The following PRKN variants were observed in gnomAD, a reference collection of about 807,000 sequenced individuals.
The protein encoded by PRKN is parkin RBR E3 ubiquitin protein ligase.
PRKN carries 56 observed loss-of-function variants against 59.5 expected under a neutral mutation model. The ratio of observed to expected loss-of-function variants is 0.94; its 90% CI spans 0.76 to 1.18. The LOEUF (loss-of-function observed/expected upper bound fraction) is 1.18. Ranked by LOEUF, PRKN falls within the 50% of genes most tolerant of loss-of-function variation. The probability of loss-of-function intolerance (pLI) is 0.00; values close to 1 mark genes in which losing one functional copy is unlikely to be tolerated. For missense variants in PRKN, 657 were observed against 596.4 expected, an observed-to-expected ratio of 1.10 and a Z score of -1.06; for synonymous variants, 250 against 222.1, an observed-to-expected ratio of 1.13 and a Z score of -1.12.
At chr6:161,814,660 G>A (rs1416425119) in intron 6 of PRKN, among the ~76,000 whole-genome samples, 2 of 152,070 alleles carry the variant, frequency 1.3e-5, no homozygotes, top group Non-Finnish European at 2.9e-5. Flanking sequence ...GTGCCACCAC[G>A]CCCAGCTAAT....
At chr6:161,742,033 G>A (rs555991457) in intron 7 of PRKN, among the ~76,000 whole-genome samples, 3 of 152,102 alleles carry the variant, frequency 2.0e-5, no homozygotes, top group East Asian at 3.9e-4. Flanking sequence ...GCAGTGGCAC[G>A]ATCTTGGCAC....
intron 9 of PRKN, among the ~76,000 whole-genome samples, chr6:161,439,958 GT>G (rs35435523): frequency 0.51 from 73,568 of 144,368 alleles, 19,184 homozygotes; most frequent in Middle Eastern, 0.63. Flanking sequence ...TTTGTTTTTT[GT>G]TTTTTTTTTT....
Position 161,393,793 on chromosome 6 carries a change from G to A in PRKN, c.1084-6916C>T, listed in dbSNP as rs1786622065. On this transcript the variant is annotated intron_variant, in intron 9 of 11. Transcript: ENST00000366898. The surrounding 1 kb of genome is among the most constrained non-coding windows in gnomAD (Gnocchi z 4.7). Reference sequence around the variant, plus strand: ...TTTGTGCCTGTTTTCTATCATGGCTGCATCTATTATAAAAGCATTCTATTA... The same window carrying A: ...TTTGTGCCTGTTTTCTATCATGGCTACATCTATTATAAAAGCATTCTATTA... 6.6e-6 allele frequency among the ~76,000 whole-genome samples: 1 copy of A among 152,090 alleles called. No homozygotes were observed. Among genetic ancestry groups the A allele is most frequent in the African/African-American group, 2.4e-5 (1 of 41,422 alleles).
intron 2 of PRKN, among the ~76,000 whole-genome samples, chr6:162,276,216 T>C (rs1020723354): frequency 6.6e-6 from 1 of 152,208 alleles, no homozygotes; most frequent in African/African-American, 2.4e-5. Flanking sequence ...TCCTTCGTCT[T>C]CCATCTTAAT....
Position 161,386,876 on chromosome 6 carries a change from A to C in PRKN, c.1085T>G (p.Phe362Cys). ...CEGGNGLGCG[F>C]AFCRECKEAY... ...TTCTTTACATTCCCGGCAGAAGGCA[A>C]ACTGCAAAAGAACACACATCCATTA... The change falls in exon 10 of 12, where the codon TTT (phenylalanine) becomes TGT (cysteine). Residue 362 changes from phenylalanine (F) to cysteine (C), a missense_variant and splice_region_variant. Coordinates refer to ENST00000366898, the MANE Select transcript of PRKN (RefSeq NM_004562.3). The surrounding 1 kb of genome is among the most constrained non-coding windows in gnomAD (Gnocchi z 4.3). 6.2e-7 allele frequency: 1 copy of C among 1,613,734 alleles called. No individual in the cohort carries two copies. Among genetic ancestry groups the C allele is most frequent in the East Asian group, 2.2e-5 (1 of 44,882 alleles).
chr6:162,191,855 C>T (rs73594259), intron 4 of PRKN, among the ~76,000 whole-genome samples: 9,281 of 152,176 alleles, frequency 0.061, 887 homozygotes, highest in African/African-American at 0.2. Flanking sequence ...AGGACAGTGG[C>T]TAGTAAAGCT....
chr6:162,385,892 G>GC, intron 2 of PRKN, among the ~76,000 whole-genome samples: 1 of 151,872 alleles, frequency 6.6e-6, no homozygotes. Flanking sequence ...AGATTCCAAA[G>GC]TTTTTCAAAA....
chr6:161,683,085 G>A (rs1321347151), intron 7 of PRKN, among the ~76,000 whole-genome samples: 4 of 152,194 alleles, frequency 2.6e-5, no homozygotes, highest in Non-Finnish European at 5.9e-5. Context: ...CACGACCTAC[G>A]TGCCCTTTAC....
At chr6:162,433,470 T>C (rs1413312071) in intron 2 of PRKN, among the ~76,000 whole-genome samples, 1 of 152,136 alleles carries the variant, frequency 6.6e-6, no homozygotes, top group African/African-American at 2.4e-5. Context: ...AATAAGCACA[T>C]GTGTAGGATG....
chr6:161,461,007 T>C lies in PRKN; in HGVS notation c.1084-74130A>G, dbSNP rs1037536534. Among the ~76,000 whole-genome samples, 1 of 152,088 alleles carries C rather than the reference T, an allele frequency of 6.6e-6. No homozygotes were observed. Among genetic ancestry groups the C allele is most frequent in the South Asian group, 2.1e-4 (1 of 4,816 alleles). On this transcript the variant is annotated intron_variant, in intron 9 of 11. Transcript: ENST00000366898. The surrounding 1 kb of genome is among the most constrained non-coding windows in gnomAD (Gnocchi z 5.1). ...CACCTGACCTCATGATCTGCCTGCC[T>C]TGGCTTCCCAAAGTACTGGGACTAC...
chr6:162,706,415 T>C (rs1437651943), intron 1 of PRKN, among the ~76,000 whole-genome samples: 1 of 152,228 alleles, frequency 6.6e-6, no homozygotes, highest in Non-Finnish European at 1.5e-5. Context: ...AATTGTTATA[T>C]GTCAAAGAAA....
At chr6:161,746,574 T>C (rs1273251393) in intron 7 of PRKN, among the ~76,000 whole-genome samples, 5 of 144,408 alleles carry the variant, frequency 3.5e-5, no homozygotes, top group Non-Finnish European at 7.5e-5. Flanking sequence ...TATATATTTA[T>C]ATATATATAT....
At chr6:161,779,030 C>G (rs1217094427) in intron 7 of PRKN, among the ~76,000 whole-genome samples, 1 of 152,126 alleles carries the variant, frequency 6.6e-6, no homozygotes, top group Admixed American at 6.5e-5. Context: ...ACCTCCACCT[C>G]TCTGGTTCAA....
intron 1 of PRKN, among the ~76,000 whole-genome samples, chr6:162,558,457 G>C (rs1779701524): frequency 1.3e-5 from 2 of 151,188 alleles, no homozygotes; most frequent in South Asian, 4.2e-4. Flanking sequence ...AGCCTCCCAG[G>C]TAGCTGGGAT....
intron 6 of PRKN, among the ~76,000 whole-genome samples, chr6:161,972,873 A>C (rs1054073867): frequency 1.3e-5 from 2 of 152,180 alleles, no homozygotes; most frequent in African/African-American, 4.8e-5. Context: ...CTCTACTACA[A>C]ATACAAAAAA....
At chr6:162,531,624 A>G (rs1325511543) in intron 1 of PRKN, among the ~76,000 whole-genome samples, 1 of 150,758 alleles carries the variant, frequency 6.6e-6, no homozygotes, top group East Asian at 1.9e-4. Flanking sequence ...CTGATCCATC[A>G]AGTGCAGGGT....
At chr6:162,633,224 AGGAGTTCG>A (rs1777580403) in intron 1 of PRKN, among the ~76,000 whole-genome samples, 1 of 151,802 alleles carries the variant, frequency 6.6e-6, no homozygotes, top group South Asian at 2.1e-4. Context: ...ACTTGAGGTA[AGGAGTTCG>A]AGACCAGCCT....
intron 3 of PRKN, among the ~76,000 whole-genome samples, chr6:162,207,764 G>A (rs1785014357): frequency 6.6e-6 from 1 of 152,112 alleles, no homozygotes. Flanking sequence ...ACCTCTCTGT[G>A]TGTAACACTT....
rs1787033082 is a variant in PRKN at position 161,401,140 on chromosome 6, G to C, written c.1084-14263C>G. Among the ~76,000 whole-genome samples the C allele has an allele frequency of 6.6e-6, 1 of 152,146 alleles. No homozygotes were observed. The highest frequency in any genetic ancestry group is 2.1e-4 in the South Asian group (1 of 4,836). On this transcript the variant is annotated intron_variant, in intron 9 of 11. Coordinates refer to ENST00000366898, the MANE Select transcript of PRKN (RefSeq NM_004562.3). This position sits in a 1 kb window ranked among gnomAD's most constrained non-coding sequence, Gnocchi z 4.4. ...GTCTCTTAATTTAGCCAACAAAGAA[G>C]GTTGGCTCAAAGACACCTGTTTTTG...
Sources: gnomAD v4.1 joint callset for allele counts (sites outside exome capture counted in the v4.1 genomes callset) on GRCh38, gnomAD v4.1.1 for gene constraint, Gnocchi (gnomAD v3.1) non-coding constraint, MANE v1.5 for transcripts, NCBI Gene and HGNC (gene_info 2026-07-23, HGNC 2026-07-21) for gene names.